Variants in TTC28 observed in about 807,000 individuals in gnomAD.
TTC28 encodes tetratricopeptide repeat protein 28.
In TTC28, 61 loss-of-function variants were observed where a neutral mutation model predicts 198.0. That is an observed-to-expected ratio of 0.31 (90% CI 0.25 to 0.38). The LOEUF is 0.38. Among genes scored for constraint, TTC28 ranks in the 10% least tolerant of loss-of-function variants. The probability of loss-of-function intolerance (pLI) is 1.00; values close to 1 mark genes in which losing one functional copy is unlikely to be tolerated. For missense variants in TTC28, 2,678 were observed against 3,164.0 expected, an observed-to-expected ratio of 0.85 and a Z score of 3.69; for synonymous variants, 1,171 against 1,297.8, an observed-to-expected ratio of 0.90 and a Z score of 2.10.
chr22:28,309,968 T>C (rs918282399), intron 2 of TTC28, among the ~76,000 whole-genome samples: 6 of 152,170 alleles, frequency 3.9e-5, no homozygotes, highest in African/African-American at 1.4e-4. Flanking sequence ...ATTCATTTAT[T>C]TTCTTGTTGG....
intron 2 of TTC28, among the ~76,000 whole-genome samples, chr22:28,538,702 G>A (rs1322073350): frequency 6.6e-6 from 1 of 151,732 alleles, no homozygotes; most frequent in African/African-American, 2.4e-5. Context: ...TGGGATTACA[G>A]GCGTGCGCCA....
At chr22:28,625,186 G>A (rs1015365973) in intron 2 of TTC28, among the ~76,000 whole-genome samples, 3 of 151,970 alleles carry the variant, frequency 2.0e-5, no homozygotes, top group Admixed American at 6.6e-5. Context: ...ACATTGTACC[G>A]GATATGCTAA....
At chr22:28,218,346 A>G (rs1486911504) in intron 5 of TTC28, among the ~76,000 whole-genome samples, 2 of 152,176 alleles carry the variant, frequency 1.3e-5, no homozygotes, top group African/African-American at 4.8e-5. Context: ...CTTCATCAAG[A>G]AAATAAGTGT....
At chr22:28,227,132 T>A (rs907010245) in intron 5 of TTC28, among the ~76,000 whole-genome samples, 1 of 152,056 alleles carries the variant, frequency 6.6e-6, no homozygotes, top group Non-Finnish European at 1.5e-5. Context: ...GGGGTCTCAC[T>A]ATATTGCCCA....
intron 5 of TTC28, among the ~76,000 whole-genome samples, chr22:28,282,489 C>T (rs1302030882): frequency 6.6e-6 from 1 of 152,136 alleles, no homozygotes; most frequent in Non-Finnish European, 1.5e-5. Context: ...GCTATTTTTG[C>T]ACTTAAAATG....
chr22:28,179,828 C>G (rs1052348695), intron 5 of TTC28, among the ~76,000 whole-genome samples: 3 of 152,142 alleles, frequency 2.0e-5, no homozygotes, highest in Non-Finnish European at 4.4e-5. Context: ...CAATACTGAG[C>G]ATAAATTAAT....
At chr22:27,996,468 T>TGGCCGGGCGCG in intron 16 of TTC28, 2 of 676,846 alleles carry the variant, frequency 3.0e-6, no homozygotes, top group South Asian at 4.4e-5. Flanking sequence ...GAATCAATAT[T>TGGCCGGGCGCG]GTTCAGCTGT....
chr22:28,316,520 T>A (rs986127132), intron 2 of TTC28, among the ~76,000 whole-genome samples: 5 of 152,164 alleles, frequency 3.3e-5, no homozygotes, highest in Non-Finnish European at 5.9e-5. Flanking sequence ...TCTATTTGTA[T>A]TGGTTCAATT....
intron 2 of TTC28, among the ~76,000 whole-genome samples, chr22:28,319,736 C>A (rs1299021468): frequency 6.6e-6 from 1 of 152,168 alleles, no homozygotes; most frequent in African/African-American, 2.4e-5. Context: ...CTTTGCTCTT[C>A]TTTCTGGTAT....
intron 5 of TTC28, among the ~76,000 whole-genome samples, chr22:28,200,100 CAG>C (rs1925793418): frequency 6.6e-6 from 1 of 151,768 alleles, no homozygotes; most frequent in South Asian, 2.1e-4. Context: ...AAAAGAGAGA[CAG>C]AGTCTCGCTA....
rs1179942634 is a variant in TTC28, at chr22:27,981,342, T to C, written c.*879A>G. On this transcript the variant is annotated 3_prime_UTR_variant, in exon 23 of 23. Transcript: ENST00000397906. ...TTACTTATTGATGACTATTCAAAATTTGACATTTTAAAAAACTTTTTGAGC... is the reference window on the plus strand; with the variant it reads ...TTACTTATTGATGACTATTCAAAATCTGACATTTTAAAAAACTTTTTGAGC... 2 of 146,894 alleles carry C rather than the reference T, an allele frequency of 1.4e-5. No individual in the cohort carries two copies. The highest frequency in any genetic ancestry group is 5.0e-5 in the African/African-American group (2 of 40,356). 9.1% of individuals were successfully genotyped at this position (146,894 alleles called of 1,614,324 possible). A position where few individuals can be genotyped will look rare whatever the true frequency, so the allele number is the denominator to read the frequency against.
intron 5 of TTC28, among the ~76,000 whole-genome samples, chr22:28,230,136 T>C (rs904178659): frequency 1.3e-5 from 2 of 152,226 alleles, no homozygotes; most frequent in Non-Finnish European, 2.9e-5. Context: ...CCGGCATCAC[T>C]TCCGCAGTGA....
intron 2 of TTC28, among the ~76,000 whole-genome samples, chr22:28,309,370 A>G (rs2045208799): frequency 6.6e-6 from 1 of 152,232 alleles, no homozygotes; most frequent in African/African-American, 2.4e-5. Flanking sequence ...TCATTGCTGT[A>G]AGGCTCCCAG....
In TTC28 at chr22:28,349,169, A is replaced by G. The variant is rs187218001; in HGVS notation, c.382-42526T>C. On this transcript the variant is annotated intron_variant, in intron 2 of 22. Transcript: ENST00000397906. ...TCCCAAGTTCATCAGTTACACACAC[A>G]TGCATGTGCACGCACACACACACAC... 2.0e-3 allele frequency among the ~76,000 whole-genome samples: 299 copies of G among 152,278 alleles called. 1 individual carries two copies. The highest frequency in any genetic ancestry group is 6.8e-3 in the Middle Eastern group (2 of 294).
intron 12 of TTC28, among the ~76,000 whole-genome samples, chr22:28,067,606 A>G (rs986628748): frequency 2.0e-5 from 3 of 152,206 alleles, no homozygotes; most frequent in Non-Finnish European, 4.4e-5. Context: ...CCTCAAGGAA[A>G]GGAACTGTGT....
intron 2 of TTC28, among the ~76,000 whole-genome samples, chr22:28,616,757 G>A (rs995999784): frequency 6.6e-6 from 1 of 152,032 alleles, no homozygotes; most frequent in African/African-American, 2.4e-5. Context: ...TGAGGCAGAA[G>A]GATCACTTAA....
chr22:28,635,688 A>G (rs888988180), intron 1 of TTC28, among the ~76,000 whole-genome samples: 1 of 152,146 alleles, frequency 6.6e-6, no homozygotes, highest in African/African-American at 2.4e-5. Flanking sequence ...ACTGACCAAT[A>G]AAGTCGTATA....
intron 6 of TTC28, among the ~76,000 whole-genome samples, chr22:28,121,853 G>A (rs139323412): frequency 4.6e-5 from 7 of 152,104 alleles, no homozygotes; most frequent in South Asian, 2.1e-4. Context: ...TAGGGTAAGC[G>A]TTTGTTTTTG....
At chr22:28,252,416 C>G (rs2147276788) in intron 5 of TTC28, among the ~76,000 whole-genome samples, 2 of 152,282 alleles carry the variant, frequency 1.3e-5, no homozygotes, top group Middle Eastern at 6.8e-3. Flanking sequence ...TATATTTCTA[C>G]AAAACTGAAG....
Sources: gnomAD v4.1 joint callset for allele counts (sites outside exome capture counted in the v4.1 genomes callset) on GRCh38, gnomAD v4.1.1 for gene constraint, MANE v1.5 for transcripts, NCBI Gene and HGNC (gene_info 2026-07-23, HGNC 2026-07-21) for gene names.